The following NTN4 variants were observed in gnomAD, a reference collection of about 807,000 sequenced individuals.
NTN4 encodes netrin-4.
In NTN4, 32 loss-of-function variants were observed where a neutral mutation model predicts 73.6. That is an observed-to-expected ratio of 0.44 (90% confidence interval 0.33 to 0.58). NTN4 has a LOEUF of 0.58. Among genes scored for constraint, NTN4 ranks in the 20% least tolerant of loss-of-function variants. The pLI is 0.04. For synonymous variants in NTN4, 258 were observed against 287.5 expected, an observed-to-expected ratio of 0.90 and a Z score of 1.04; for missense variants, 654 against 798.3, an observed-to-expected ratio of 0.82 and a Z score of 2.18.
At chr12:95,739,271 A>T (rs76435799) in intron 2 of NTN4, among the ~76,000 whole-genome samples, 1 of 152,314 alleles carries the variant, frequency 6.6e-6, no homozygotes, top group African/African-American at 2.4e-5. Flanking sequence ...ATTTCACGTT[A>T]AACACCAGTA....
intron 3 of NTN4, among the ~76,000 whole-genome samples, chr12:95,732,238 CTCTG>C (rs35979011): frequency 0.25 from 35,157 of 142,164 alleles, 4,699 homozygotes; most frequent in Non-Finnish European, 0.32. Flanking sequence ...TTCTTTCTTT[CTCTG>C]TCTTTCTTTC....
rs143565273 is a variant in NTN4 at position 95,718,549 on chromosome 12, A to G, written c.865-5211T>C. 2.0e-4 allele frequency among the ~76,000 whole-genome samples: 31 copies of G among 152,294 alleles called. No individual in the cohort carries two copies. In the East Asian group the frequency reaches 5.8e-3, roughly 28 times the overall value. ...TAAATACTATTTGGTTGCAGAAACT[A>G]CCCAAAATCCTTTTTGAGCCCCCAG... On this transcript the variant is annotated intron_variant, in intron 3 of 9. Transcript: ENST00000343702.
intron 7 of NTN4, among the ~76,000 whole-genome samples, chr12:95,675,972 A>ATC (rs2078270334): frequency 6.6e-6 from 1 of 152,256 alleles, no homozygotes; most frequent in Admixed American, 6.5e-5. Flanking sequence ...TTCATCCAGC[A>ATC]TCTAGTCCTG....
intron 2 of NTN4, among the ~76,000 whole-genome samples, chr12:95,759,544 T>C (rs888912413): frequency 2.0e-5 from 3 of 146,774 alleles, no homozygotes; most frequent in Non-Finnish European, 4.5e-5. Flanking sequence ...CACTGCAACC[T>C]CTGTCTCCTG....
rs539973453 is a variant in NTN4 at position 95,764,435 on chromosome 12, C to G, written c.585+22504G>C. Among the ~76,000 whole-genome samples, 19 of 152,262 alleles carry G rather than the reference C, an allele frequency of 1.2e-4. No individual in the cohort carries two copies. The Middle Eastern group carries it at 0.01, about 82-fold the overall frequency. ...ATCCCAGCACTTTGGGAGGCCGAGG[C>G]CAGCGGATCACCTAAGGTCAGGAGT... On this transcript the variant is annotated intron_variant, in intron 2 of 9. Transcript: ENST00000343702.
chr12:95,658,957 C>A lies in NTN4; in HGVS notation c.*129G>T, dbSNP rs561953309. ...CCAGAAGAGATAAGTTAGATAAGAC[C>A]CATGCATTCAAACATTTCTATATGT... On this transcript the variant is annotated 3_prime_UTR_variant, in exon 10 of 10. Coordinates refer to ENST00000343702, the MANE Select transcript of NTN4 (RefSeq NM_021229.4). The A allele has an allele frequency of 7.6e-4, 579 of 761,162 alleles. 5 individuals carry two copies. In the African/African-American group the frequency reaches 9.5e-3, roughly 12 times the overall value. The allele number at this position is 761,162 out of a possible 1,614,324, so 47.2% of individuals were successfully genotyped here. A position where few individuals can be genotyped will look rare whatever the true frequency, so the allele number is the denominator to read the frequency against.
chr12:95,710,891 C>A (rs1025445026), intron 4 of NTN4, among the ~76,000 whole-genome samples: 10 of 152,124 alleles, frequency 6.6e-5, no homozygotes, highest in Non-Finnish European at 1.3e-4. Flanking sequence ...GTAGTCCCAG[C>A]TACTTGGGAG....
At chr12:95,703,221 T>C (rs1043763451) in intron 5 of NTN4, among the ~76,000 whole-genome samples, 5 of 152,184 alleles carry the variant, frequency 3.3e-5, no homozygotes, top group African/African-American at 1.2e-4. Flanking sequence ...AGGGCTGTCA[T>C]ATGTTCATTG....
chr12:95,710,537 A>G lies in NTN4; in HGVS notation c.1084T>C (p.Cys362Arg). ...TACTGTCCTTCTGTGTTGTGCTGAC[A>G]GTCATCACAGACACCACCACTACGA... ...GNRSGGVCDD[C>R]QHNTEGQYCQ... The change falls in exon 5 of 10, where the codon TGT (cysteine) becomes CGT (arginine). Residue 362 changes from cysteine to arginine, a missense_variant. Coordinates refer to ENST00000343702, the MANE Select transcript of NTN4 (RefSeq NM_021229.4). 6.2e-7 allele frequency: 1 copy of G among 1,614,142 alleles called. No homozygotes were observed. The highest frequency in any genetic ancestry group is 8.5e-7 in the Non-Finnish European group (1 of 1,179,966).
chr12:95,716,152 G>C (rs903200300), intron 3 of NTN4, among the ~76,000 whole-genome samples: 2 of 151,934 alleles, frequency 1.3e-5, no homozygotes, highest in African/African-American at 4.8e-5. Flanking sequence ...GATAGAATTG[G>C]AGTCAGAGTT....
chr12:95,769,550 CAAA>C (rs60702860), intron 2 of NTN4, among the ~76,000 whole-genome samples: 1 of 130,386 alleles, frequency 7.7e-6, no homozygotes, highest in African/African-American at 3.0e-5. Flanking sequence ...ATTTATAGAC[CAAA>C]AAAAAAAAAA....
chr12:95,732,544 T>C (rs917777320), intron 3 of NTN4, among the ~76,000 whole-genome samples: 9 of 151,932 alleles, frequency 5.9e-5, no homozygotes, highest in African/African-American at 1.7e-4. Flanking sequence ...TCTGGGACTA[T>C]AGGCGCGTGC....
chr12:95,711,539 G>C (rs1486290945), intron 4 of NTN4, among the ~76,000 whole-genome samples: 1 of 152,200 alleles, frequency 6.6e-6, no homozygotes, highest in Non-Finnish European at 1.5e-5. Flanking sequence ...GGAAGCTTCT[G>C]GTGGACAGAG....
chr12:95,679,894 G>A (rs1377413508), intron 7 of NTN4, among the ~76,000 whole-genome samples: 1 of 151,988 alleles, frequency 6.6e-6, no homozygotes, highest in Non-Finnish European at 1.5e-5. Flanking sequence ...TGGCCTTCTT[G>A]CTGTTTCCTG....
chr12:95,742,020 C>T (rs2078830427), intron 2 of NTN4, among the ~76,000 whole-genome samples: 1 of 152,140 alleles, frequency 6.6e-6, no homozygotes, highest in Non-Finnish European at 1.5e-5. Flanking sequence ...CCTGGTCTTG[C>T]CTTATTTCTC....
At position 95,713,352 on chromosome 12, in the gene NTN4, C is replaced by T. The variant is rs2078580627; in HGVS notation, c.865-14G>A. 1 of 1,572,162 alleles carries T rather than the reference C, an allele frequency of 6.4e-7. No homozygotes were observed. The highest frequency in any genetic ancestry group is 1.3e-5 in the African/African-American group (1 of 74,158). ...CTTCCCATGGACCTACAAGCAACAT[C>T]AAGTGAGAACTATGAGCACACATGT... On this transcript the variant is annotated splice_polypyrimidine_tract_variant and intron_variant, in intron 3 of 9. Coordinates refer to ENST00000343702, the MANE Select transcript of NTN4 (RefSeq NM_021229.4).
rs191212385 is a variant in NTN4, at chr12:95,725,155, A to G, written c.865-11817T>C. On this transcript the variant is annotated intron_variant, in intron 3 of 9. Coordinates refer to ENST00000343702, the MANE Select transcript of NTN4 (RefSeq NM_021229.4). ...AGAAAGAGGCAGCAAAAATAGAATT[A>G]ACAATATATAACTTCTAGTAAGCCA... 1.2e-3 allele frequency among the ~76,000 whole-genome samples: 179 copies of G among 152,228 alleles called. 1 individual carries two copies. The highest frequency in any genetic ancestry group is 0.011 in the South Asian group (53 of 4,818).
intron 2 of NTN4, among the ~76,000 whole-genome samples, chr12:95,757,906 A>C (rs1237489951): frequency 1.3e-4 from 20 of 152,214 alleles, no homozygotes; most frequent in Admixed American, 1.2e-3. Context: ...ACAGCTATAA[A>C]GGATTCAGGA....
intron 7 of NTN4, among the ~76,000 whole-genome samples, chr12:95,682,057 C>CTTTTTATTTT (rs2078320522): frequency 1.5e-5 from 1 of 64,546 alleles, no homozygotes; most frequent in Non-Finnish European, 2.6e-5. Context: ...ATTCAGTAGG[C>CTTTTTATTTT]TTTTTTTTTT....
Sources: gnomAD v4.1 joint callset for allele counts (sites outside exome capture counted in the v4.1 genomes callset) on GRCh38, gnomAD v4.1.1 for gene constraint, MANE v1.5 for transcripts, NCBI Gene and HGNC (gene_info 2026-07-23, HGNC 2026-07-21) for gene names.